TMEM132D: variants seen among roughly 807,000 people sequenced by gnomAD.
The protein encoded by TMEM132D is transmembrane protein 132D, also known as mature OL transmembrane protein.
A neutral mutation model predicts 62.3 loss-of-function variants in TMEM132D; 21 were observed. The observed-to-expected ratio is 0.34, with a 90% CI of 0.24 to 0.49. TMEM132D has a LOEUF of 0.49. Ranked by LOEUF, TMEM132D falls within the 20% of genes least tolerant of loss-of-function variation. TMEM132D has a pLI of 0.99. For missense variants in TMEM132D, 1,346 were observed against 1,402.8 expected (o/e 0.96, Z 0.65); for synonymous variants, 621 against 575.6 (o/e 1.08, Z -1.13).
intron 2 of TMEM132D, among the ~76,000 whole-genome samples, chr12:129,567,224 T>G (rs1225325011): frequency 6.6e-6 from 1 of 152,236 alleles, no homozygotes; most frequent in Non-Finnish European, 1.5e-5. Flanking sequence ...AATGTGATTT[T>G]TTGATATTGT....
intron 1 of TMEM132D, among the ~76,000 whole-genome samples, chr12:129,820,634 A>C (rs1872518795): frequency 6.6e-6 from 1 of 152,240 alleles, no homozygotes; most frequent in Admixed American, 6.5e-5. Flanking sequence ...TCAGCTGAAA[A>C]TATATGGGAT....
chr12:129,195,257 G>A (rs1314251969), intron 5 of TMEM132D, among the ~76,000 whole-genome samples: 1 of 152,070 alleles, frequency 6.6e-6, no homozygotes, highest in East Asian at 1.9e-4. Context: ...GCAGGCACAG[G>A]CCTGGGAGGT....
intron 1 of TMEM132D, among the ~76,000 whole-genome samples, chr12:129,814,518 G>C (rs1399981392): frequency 6.8e-6 from 1 of 147,326 alleles, no homozygotes; most frequent in Admixed American, 7.0e-5. Flanking sequence ...GGCTGAGGCA[G>C]GAGAATCGCT....
intron 5 of TMEM132D, among the ~76,000 whole-genome samples, chr12:129,100,364 G>T (rs938452336): frequency 2.0e-5 from 3 of 152,194 alleles, no homozygotes; most frequent in African/African-American, 7.2e-5. Context: ...GGTCATTGAA[G>T]GTCAAGGTGA....
At chr12:129,693,639 AC>A (rs2137218787) in intron 2 of TMEM132D, among the ~76,000 whole-genome samples, 1 of 152,324 alleles carries the variant, frequency 6.6e-6, no homozygotes, top group African/African-American at 2.4e-5. Context: ...TTGGGACCTT[AC>A]GATCAATAGA....
intron 4 of TMEM132D, among the ~76,000 whole-genome samples, chr12:129,219,943 C>A (rs1295095625): frequency 6.6e-6 from 1 of 152,180 alleles, no homozygotes; most frequent in African/African-American, 2.4e-5. Context: ...AACATTCTTA[C>A]TCTCTTCCTG....
intron 4 of TMEM132D, among the ~76,000 whole-genome samples, chr12:129,318,612 C>T (rs1868567977): frequency 6.6e-6 from 1 of 152,128 alleles, no homozygotes; most frequent in South Asian, 2.1e-4. Flanking sequence ...TATGTTTGTG[C>T]TGGTGGCACT....
intron 2 of TMEM132D, among the ~76,000 whole-genome samples, chr12:129,543,441 G>A (rs961400859): frequency 1.3e-5 from 2 of 152,092 alleles, no homozygotes; most frequent in Admixed American, 6.5e-5. Context: ...AACTTATGAT[G>A]GGGTTACATT....
chr12:129,385,349 G>A (rs533163057), intron 3 of TMEM132D, among the ~76,000 whole-genome samples: 4 of 151,940 alleles, frequency 2.6e-5, no homozygotes, highest in East Asian at 1.9e-4. Flanking sequence ...CAGGTGATCC[G>A]CCCACCTCGG....
intron 2 of TMEM132D, among the ~76,000 whole-genome samples, chr12:129,666,487 G>T (rs1593112087): frequency 6.6e-6 from 1 of 152,144 alleles, no homozygotes; most frequent in African/African-American, 2.4e-5. Flanking sequence ...AAAATAAAAT[G>T]TCTTGAAAAT....
chr12:129,741,111 T>C (rs1386999264), intron 1 of TMEM132D, among the ~76,000 whole-genome samples: 2 of 152,228 alleles, frequency 1.3e-5, no homozygotes, highest in Non-Finnish European at 2.9e-5. Context: ...ATGGCACAAA[T>C]TCTTGAAATT....
chr12:129,442,693 G>T (rs1049209030), intron 3 of TMEM132D, among the ~76,000 whole-genome samples: 13 of 152,130 alleles, frequency 8.5e-5, no homozygotes, highest in African/African-American at 2.9e-4. Flanking sequence ...GCATTTATCT[G>T]ATGAATAATA....
intron 1 of TMEM132D, among the ~76,000 whole-genome samples, chr12:129,889,983 A>C (rs958849342): frequency 1.3e-5 from 2 of 152,230 alleles, no homozygotes; most frequent in African/African-American, 4.8e-5. Context: ...TGAAAAGAGA[A>C]ACATGACATG....
chr12:129,117,958 G>C (rs949012044), intron 5 of TMEM132D, among the ~76,000 whole-genome samples: 1 of 152,164 alleles, frequency 6.6e-6, no homozygotes, highest in African/African-American at 2.4e-5. Context: ...GTGGTGACAC[G>C]TCAGCCCCTC....
At position 129,237,909 on chromosome 12, in the gene TMEM132D, CA is replaced by C. The variant is rs35385302; in HGVS notation, c.1300-28247del. The stretch of plus-strand genomic sequence containing the variant: ...GCAGGAGAATCGCTTGAACTCTCCC[CA>C]AAAATGTGCATCCTGATGTGGTTCA... On this transcript the variant is annotated intron_variant, in intron 4 of 8. Coordinates refer to ENST00000422113, the MANE Select transcript of TMEM132D (RefSeq NM_133448.3). Among the ~76,000 whole-genome samples the C allele has an allele frequency of 3.3e-3, 505 of 152,196 alleles. 2 individuals carry two copies. Among genetic ancestry groups the C allele is most frequent in the Middle Eastern group, 0.014 (4 of 292 alleles).
chr12:129,892,716 G>A (rs544192245), intron 1 of TMEM132D, among the ~76,000 whole-genome samples: 1 of 152,178 alleles, frequency 6.6e-6, no homozygotes, highest in Admixed American at 6.5e-5. Context: ...CATCATTTAT[G>A]GCTACAAGCA....
In TMEM132D at chr12:129,795,255, G is replaced by A. The variant is rs551449716; in HGVS notation, c.80-94557C>T. Reference sequence around the variant, plus strand: ...AAGTGCCTTGGTTGTTTTTAACCTCGGCACCAATGCTATGGGATGCCGGCT... The same window carrying A: ...AAGTGCCTTGGTTGTTTTTAACCTCAGCACCAATGCTATGGGATGCCGGCT... On this transcript the variant is annotated intron_variant, in intron 1 of 8. Coordinates refer to ENST00000422113, the MANE Select transcript of TMEM132D (RefSeq NM_133448.3). Among the ~76,000 whole-genome samples the A allele has an allele frequency of 3.9e-5, 6 of 152,072 alleles. No individual in the cohort carries two copies. In the South Asian group the frequency reaches 1.2e-3, roughly 32 times the overall value.
In TMEM132D at chr12:129,700,550, C is replaced by T. The variant is rs768905532; in HGVS notation, c.228G>A (p.Gln76=). 6.2e-7 allele frequency: 1 copy of T among 1,614,072 alleles called. No homozygotes were observed. Among genetic ancestry groups the T allele is most frequent in the Admixed American group, 1.7e-5 (1 of 60,012 alleles). Residue 76 remains glutamine, a synonymous_variant, in exon 2 of 9, where the codon CAG becomes CAA. Transcript: ENST00000422113. The part of the protein sequence containing the change: ...NQDIMRNSSL[Q]SRVESFLIYK... ...AAATCAGAAATGACTCCACCCGGGACTGCAGGCTGGAGTTCCTCATGATAT... is the reference window on the plus strand; with the variant it reads ...AAATCAGAAATGACTCCACCCGGGATTGCAGGCTGGAGTTCCTCATGATAT...
intron 4 of TMEM132D, among the ~76,000 whole-genome samples, chr12:129,260,054 A>C (rs890646387): frequency 2.0e-5 from 3 of 152,162 alleles, no homozygotes; most frequent in African/African-American, 7.2e-5. Flanking sequence ...AAGTCATGGG[A>C]AAGTTTGTGC....
Sources: gnomAD v4.1 joint callset for allele counts (sites outside exome capture counted in the v4.1 genomes callset) on GRCh38, gnomAD v4.1.1 for gene constraint, MANE v1.5 for transcripts, NCBI Gene and HGNC (gene_info 2026-07-23, HGNC 2026-07-21) for gene names.